Variants in RTTN observed in about 807,000 individuals in gnomAD.
RTTN encodes rotatin.
RTTN carries 182 observed loss-of-function variants against 269.2 expected under a neutral mutation model. The ratio of observed to expected loss-of-function variants is 0.68; its 90% CI spans 0.60 to 0.76. The LOEUF is 0.76. RTTN is among the 30% of genes least tolerant of loss of function. The pLI, the probability that RTTN is intolerant of heterozygous loss-of-function variation, is 0.00. For missense variants in RTTN, 2,545 were observed against 2,608.6 expected, an observed-to-expected ratio of 0.98 and a Z score of 0.53; for synonymous variants, 1,006 against 963.5, an observed-to-expected ratio of 1.04 and a Z score of -0.82.
rs1025687715 is a variant in RTTN, at chr18:70,128,541, T to C, written c.2960A>G (p.His987Arg). ...GTGTCCAATTACATGAACAGGTAGA[T>C]GGTACCTAAAGAAAATGTGTACAAA... ...SLPVSVFRRY[H>R]LPVHVIGHHA... The change falls in exon 24 of 49, where the codon CAT (histidine) becomes CGT (arginine). Residue 987 changes from histidine (H) to arginine (R), a missense_variant. Coordinates refer to ENST00000640769, the MANE Select transcript of RTTN (RefSeq NM_173630.4). 1.9e-6 allele frequency: 3 copies of C among 1,611,420 alleles called. No homozygotes were observed. Among genetic ancestry groups the C allele is most frequent in the African/African-American group, 1.3e-5 (1 of 74,782 alleles).
chr18:70,175,981 C>A (rs1190206949), intron 11 of RTTN, among the ~76,000 whole-genome samples: 1 of 151,982 alleles, frequency 6.6e-6, no homozygotes, highest in Admixed American at 6.6e-5. Flanking sequence ...TGATAAGAAC[C>A]AAGACACACA....
At chr18:70,113,581 A>C (rs1345041338) in intron 27 of RTTN, among the ~76,000 whole-genome samples, 1 of 152,174 alleles carries the variant, frequency 6.6e-6, no homozygotes, top group African/African-American at 2.4e-5. Context: ...TGTCCACACA[A>C]AAATCTGTAT....
rs2060075324 is a variant in RTTN, at chr18:70,134,526, G to A, written c.2901C>T (p.Ser967=). The A allele has an allele frequency of 1.2e-6, 2 of 1,609,606 alleles. No individual in the cohort carries two copies. The highest frequency in any genetic ancestry group is 1.7e-6 in the Non-Finnish European group (2 of 1,177,574). Residue 967 remains serine, a synonymous_variant, in exon 23 of 49, where the codon TCC becomes TCT. Coordinates refer to ENST00000640769, the MANE Select transcript of RTTN (RefSeq NM_173630.4). ...SRMDMWSVNP[S]NKPSLPSVFS... ...AGACCGATGGCAAAGAAGGTTTATT[G>A]GAAGGATTAACAGACCTATTTCATA...
chr18:70,134,090 T>C (rs374858690), intron 23 of RTTN, among the ~76,000 whole-genome samples: 5 of 152,184 alleles, frequency 3.3e-5, no homozygotes, highest in African/African-American at 9.6e-5. Flanking sequence ...CTGGAATATA[T>C]AGGAAAGGAG....
chr18:70,071,875 A>C (rs1252046540), intron 34 of RTTN, among the ~76,000 whole-genome samples: 1 of 152,202 alleles, frequency 6.6e-6, no homozygotes, highest in Non-Finnish European at 1.5e-5. Context: ...CCAGCCAACT[A>C]ACCAATAAAG....
At chr18:70,114,839 C>T (rs985895729) in intron 26 of RTTN, among the ~76,000 whole-genome samples, 22 of 151,970 alleles carry the variant, frequency 1.4e-4, no homozygotes, top group Admixed American at 1.2e-3. Context: ...CAAAACCACA[C>T]ATAATCATGC....
intron 14 of RTTN, among the ~76,000 whole-genome samples, chr18:70,163,856 T>C (rs904449063): frequency 3.3e-5 from 5 of 152,206 alleles, no homozygotes; most frequent in African/African-American, 1.2e-4. Flanking sequence ...AGTGTTCATA[T>C]ATACAGACAA....
intron 32 of RTTN, among the ~76,000 whole-genome samples, chr18:70,080,102 G>A (rs969702096): frequency 9.4e-6 from 1 of 106,148 alleles, no homozygotes; most frequent in African/African-American, 3.2e-5. Flanking sequence ...AAATACTCAT[G>A]ATGCTTCATA....
At chr18:70,007,713 C>T (rs1258285230) in intron 46 of RTTN, 1 of 152,380 alleles carries the variant, frequency 6.6e-6, no homozygotes, top group Non-Finnish European at 1.5e-5. Flanking sequence ...CTAGATTCCT[C>T]CTCTCTGGGC....
intron 34 of RTTN, among the ~76,000 whole-genome samples, chr18:70,070,826 A>T (rs907060584): frequency 3.3e-5 from 5 of 152,196 alleles, no homozygotes; most frequent in African/African-American, 1.2e-4. Flanking sequence ...AGTATGCTTT[A>T]TGTTCTCAAG....
At chr18:70,129,118 A>G (rs1032554240) in intron 23 of RTTN, 1 of 152,126 alleles carries the variant, frequency 6.6e-6, no homozygotes, top group Non-Finnish European at 1.5e-5. Context: ...TTAGAAATAA[A>G]AACAGATTCA....
chr18:70,064,075 T>G (rs2058066246), intron 35 of RTTN, among the ~76,000 whole-genome samples: 2 of 150,770 alleles, frequency 1.3e-5, no homozygotes, highest in Non-Finnish European at 3.0e-5. Context: ...TGGTGGCTCA[T>G]GTCTGTAATC....
At chr18:70,180,746 CATG>C (rs2061405636) in intron 10 of RTTN, among the ~76,000 whole-genome samples, 1 of 152,112 alleles carries the variant, frequency 6.6e-6, no homozygotes, top group Non-Finnish European at 1.5e-5. Flanking sequence ...TTTGCAGGGT[CATG>C]ATAATTAAAT....
At position 70,142,300 on chromosome 18, in the gene RTTN, CAGCT is replaced by C. The variant is rs755515053; in HGVS notation, c.2565_2568del (p.Ala856Ter). The C allele has an allele frequency of 1.9e-6, 3 of 1,595,402 alleles. No individual in the cohort carries two copies. The highest frequency in any genetic ancestry group is 2.6e-6 in the Non-Finnish European group (3 of 1,164,922). On this transcript the variant is annotated frameshift_variant, in exon 19 of 49. Transcript: ENST00000640769. LOFTEE classifies it high-confidence loss of function. ...TAAAAGACATTACCTTGCATAATCA[CAGCT>C]AACTGTTCAGCAGCTGACTTTCTCA...
intron 28 of RTTN, among the ~76,000 whole-genome samples, chr18:70,103,146 G>A (rs988088062): frequency 2.7e-5 from 4 of 150,104 alleles, no homozygotes; most frequent in South Asian, 2.1e-4. Context: ...AGTGAGGATC[G>A]CCTCTGCCTG....
At chr18:70,025,747 G>A (rs2056835735) in intron 43 of RTTN, among the ~76,000 whole-genome samples, 3 of 152,142 alleles carry the variant, frequency 2.0e-5, no homozygotes, top group African/African-American at 7.2e-5. Context: ...TATCTACTCT[G>A]CCATTCTGTC....
chr18:70,199,306 C>A (rs1280085526), intron 5 of RTTN, 108 bp downstream of exon 5: 1 of 650,600 alleles, frequency 1.5e-6, no homozygotes, highest in Non-Finnish European at 2.6e-6. Flanking sequence ...ACCATTACTA[C>A]CTTTCACTGC....
At chr18:70,107,297 A>C (rs1333102488) in intron 28 of RTTN, among the ~76,000 whole-genome samples, 1 of 152,210 alleles carries the variant, frequency 6.6e-6, no homozygotes, top group African/African-American at 2.4e-5. Context: ...AGTGAGAATC[A>C]ATCTTGCATA....
chr18:70,019,115 G>A (rs942363400), intron 45 of RTTN, among the ~76,000 whole-genome samples: 10 of 152,196 alleles, frequency 6.6e-5, no homozygotes, highest in East Asian at 1.9e-4. Context: ...TGATTAATCC[G>A]TCCCTGGAAA....
Sources: allele counts gnomAD v4.1 joint callset (sites outside exome capture counted in the v4.1 genomes callset), GRCh38; gene constraint gnomAD v4.1.1; transcripts MANE v1.5; gene names NCBI Gene and HGNC (gene_info 2026-07-23, HGNC 2026-07-21).